Variants in PTPN4 observed in about 807,000 individuals in gnomAD.
PTPN4 encodes the protein protein tyrosine phosphatase non-receptor type 4, also known as tyrosine-protein phosphatase non-receptor type 4.
PTPN4 carries 49 observed loss-of-function variants against 135.5 expected under a neutral mutation model. The ratio of observed to expected loss-of-function variants is 0.36; its 90% CI spans 0.29 to 0.46. PTPN4 has a LOEUF of 0.46. PTPN4 is among the 20% of genes least tolerant of loss of function. The pLI, the probability that PTPN4 is intolerant of heterozygous loss-of-function variation, is 1.00. For missense variants in PTPN4, 860 were observed against 1,101.0 expected, an observed-to-expected ratio of 0.78 and a Z score of 3.10; for synonymous variants, 333 against 369.9, an observed-to-expected ratio of 0.90 and a Z score of 1.14.
intron 19 of PTPN4, among the ~76,000 whole-genome samples, chr2:119,954,585 A>G (rs368231956): frequency 4.6e-5 from 7 of 152,136 alleles, no homozygotes; most frequent in East Asian, 3.8e-4. Context: ...ATAAGCCCCT[A>G]TGTTAAAAAA....
intron 1 of PTPN4, among the ~76,000 whole-genome samples, chr2:119,789,098 T>C (rs1056626030): frequency 2.6e-5 from 4 of 152,066 alleles, no homozygotes; most frequent in East Asian, 1.9e-4. Context: ...TTTCTTTTTT[T>C]TTTTTTAAAG....
At chr2:119,945,539 T>G (rs1441729693) in intron 16 of PTPN4, among the ~76,000 whole-genome samples, 2 of 152,028 alleles carry the variant, frequency 1.3e-5, no homozygotes, top group Non-Finnish European at 2.9e-5. Flanking sequence ...AGAGCAGGCA[T>G]AGAACATACT....
At chr2:119,766,449 C>CGTGTGT (rs745803520) in intron 1 of PTPN4, among the ~76,000 whole-genome samples, 105 of 131,062 alleles carry the variant, frequency 8.0e-4, no homozygotes, top group African/African-American at 2.7e-3. Context: ...CATGTGCGCG[C>CGTGTGT]GTGTGTGTGT....
chr2:119,977,179 C>T lies in PTPN4; in HGVS notation c.*109C>T. Reference sequence around the variant, plus strand: ...CATTTTACAAAAAAAAAATGAAGAACTCAAAAAAACTTTGAAAACTTCAGC... The same window carrying T: ...CATTTTACAAAAAAAAAATGAAGAATTCAAAAAAACTTTGAAAACTTCAGC... On this transcript the variant is annotated 3_prime_UTR_variant, in exon 27 of 27. Transcript: ENST00000263708. The T allele has an allele frequency of 3.6e-6, 5 of 1,385,132 alleles. No individual in the cohort carries two copies. Among genetic ancestry groups the T allele is most frequent in the Non-Finnish European group, 4.7e-6 (5 of 1,066,370 alleles). 85.8% of individuals were successfully genotyped at this position (1,385,132 alleles called of 1,614,324 possible).
intron 9 of PTPN4, among the ~76,000 whole-genome samples, chr2:119,887,023 T>C (rs1029085465): frequency 1.3e-5 from 2 of 152,160 alleles, no homozygotes; most frequent in Admixed American, 6.5e-5. Context: ...AACTTTCTGC[T>C]TTCTTTAAAA....
At chr2:119,806,467 A>T (rs1321198996) in intron 1 of PTPN4, among the ~76,000 whole-genome samples, 9 of 152,202 alleles carry the variant, frequency 5.9e-5, no homozygotes, top group Admixed American at 2.6e-4. Flanking sequence ...ATAAAGATCA[A>T]AAGAGACAAA....
At chr2:119,823,256 A>T (rs1677096747) in intron 2 of PTPN4, among the ~76,000 whole-genome samples, 1 of 142,198 alleles carries the variant, frequency 7.0e-6, no homozygotes, top group Non-Finnish European at 1.5e-5. Flanking sequence ...TTTTTTGGAG[A>T]CGCAGTCTCG....
At chr2:119,818,982 C>T (rs576439914) in intron 2 of PTPN4, among the ~76,000 whole-genome samples, 6 of 152,296 alleles carry the variant, frequency 3.9e-5, no homozygotes, top group South Asian at 2.1e-4. Context: ...ACCCTGTGTA[C>T]GCACATCCTA....
chr2:119,956,634 A>C (rs1320124428), intron 20 of PTPN4, among the ~76,000 whole-genome samples: 2 of 152,208 alleles, frequency 1.3e-5, no homozygotes, highest in South Asian at 2.1e-4. Flanking sequence ...CACTTTTCAA[A>C]ATATGACACA....
At chr2:119,768,338 A>G (rs922466049) in intron 1 of PTPN4, among the ~76,000 whole-genome samples, 1 of 152,130 alleles carries the variant, frequency 6.6e-6, no homozygotes, top group African/African-American at 2.4e-5. Flanking sequence ...TATTTTTCCA[A>G]GGAATCCTGA....
chr2:119,873,057 G>A (rs1677935900), intron 3 of PTPN4, among the ~76,000 whole-genome samples: 1 of 152,100 alleles, frequency 6.6e-6, no homozygotes. Context: ...GTGCAGTGGT[G>A]CGATCATGGC....
At chr2:119,878,780 C>G (rs181350642) in intron 5 of PTPN4, among the ~76,000 whole-genome samples, 5 of 149,366 alleles carry the variant, frequency 3.3e-5, no homozygotes, top group African/African-American at 1.2e-4. Context: ...TTAGTAGAAT[C>G]CAAGCTAATT....
chr2:119,928,805 G>A (rs560342325), intron 13 of PTPN4, among the ~76,000 whole-genome samples: 17 of 151,902 alleles, frequency 1.1e-4, no homozygotes, highest in Non-Finnish European at 2.2e-4. Context: ...TAGAACGTGC[G>A]ATGTGGTCAC....
rs1290777201 is a variant in PTPN4, at chr2:119,949,783, T to C, written c.1657-2190T>C. 3.9e-5 allele frequency among the ~76,000 whole-genome samples: 6 copies of C among 152,132 alleles called. No individual in the cohort carries two copies. In the East Asian group the frequency reaches 1.2e-3, roughly 29 times the overall value. On this transcript the variant is annotated intron_variant, in intron 18 of 26. Coordinates refer to ENST00000263708, the MANE Select transcript of PTPN4 (RefSeq NM_002830.4). ...ACTTGAGCCCAGGAGATCGAGGCTG[T>C]AGTGAGCTATGATCACACCACTACA...
chr2:119,944,345 A>T (rs1354957781), intron 15 of PTPN4, among the ~76,000 whole-genome samples: 1 of 152,192 alleles, frequency 6.6e-6, no homozygotes, highest in Non-Finnish European at 1.5e-5. Flanking sequence ...AAGTTGAACC[A>T]CAAGTTTCTA....
chr2:119,846,350 G>A (rs1677498881), intron 2 of PTPN4, among the ~76,000 whole-genome samples: 1 of 152,098 alleles, frequency 6.6e-6, no homozygotes. Context: ...TTTTATGTTT[G>A]TATCTTCTGA....
At position 119,760,370 on chromosome 2, in the gene PTPN4, C is replaced by T. The variant is rs1690458847; in HGVS notation, c.-32C>T. 1.5e-5 allele frequency: 6 copies of T among 391,092 alleles called. No homozygotes were observed. The highest frequency in any genetic ancestry group is 2.7e-5 in the Non-Finnish European group (6 of 221,732). 24.2% of individuals were successfully genotyped at this position (391,092 alleles called of 1,614,324 possible). A position where few individuals can be genotyped will look rare whatever the true frequency, so the allele number is the denominator to read the frequency against. Reference sequence around the variant, plus strand: ...TTTTTCTCCAGCCGAGAGGACGCGGCTGTGATATACGAAGGTAAGAGGTTC... The same window carrying T: ...TTTTTCTCCAGCCGAGAGGACGCGGTTGTGATATACGAAGGTAAGAGGTTC... On this transcript the variant is annotated 5_prime_UTR_variant, in exon 1 of 27. Coordinates refer to ENST00000263708, the MANE Select transcript of PTPN4 (RefSeq NM_002830.4).
chr2:119,835,553 T>A (rs1043402241), intron 2 of PTPN4, among the ~76,000 whole-genome samples: 2 of 152,164 alleles, frequency 1.3e-5, no homozygotes, highest in African/African-American at 4.8e-5. Flanking sequence ...ATTCCTATGA[T>A]GGATTCTTCA....
At chr2:119,856,294 T>C (rs1184679914) in intron 2 of PTPN4, among the ~76,000 whole-genome samples, 2 of 152,180 alleles carry the variant, frequency 1.3e-5, no homozygotes, top group East Asian at 3.9e-4. Context: ...GATGTTACAG[T>C]ATCTGAGATC....
Sources: gnomAD v4.1 joint callset for allele counts (sites outside exome capture counted in the v4.1 genomes callset) on GRCh38, gnomAD v4.1.1 for gene constraint, MANE v1.5 for transcripts, NCBI Gene and HGNC (gene_info 2026-07-23, HGNC 2026-07-21) for gene names.